The following KCNH7 variants were observed in gnomAD, a reference collection of about 807,000 sequenced individuals.
The protein encoded by KCNH7 is potassium voltage-gated channel subfamily H member 7, also known as voltage-gated inwardly rectifying potassium channel KCNH7.
Under a neutral mutation model 120.8 loss-of-function variants are expected in KCNH7, and 49 were observed. That is an observed-to-expected ratio of 0.41 (90% CI 0.32 to 0.51). KCNH7 has a LOEUF of 0.51. Among genes scored for constraint, KCNH7 ranks in the 20% least tolerant of loss-of-function variants. The probability of loss-of-function intolerance (pLI) is 0.38; values close to 1 mark genes in which losing one functional copy is unlikely to be tolerated. For synonymous variants in KCNH7, 547 were observed against 516.1 expected (o/e 1.06, Z -0.81); for missense variants, 1,097 against 1,446.6 (o/e 0.76, Z 3.92).
chr2:162,750,076 A>C lies in KCNH7; in HGVS notation c.307+86461T>G, dbSNP rs147111443. ...TAAAAGGAATGACAACTCTGGATTC[A>C]ACACATTAACATGGAGGAGATAAGG... On this transcript the variant is annotated intron_variant, in intron 2 of 15. Transcript: ENST00000332142. 6.1e-3 allele frequency among the ~76,000 whole-genome samples: 925 copies of C among 152,344 alleles called. 9 individuals carry two copies. Among genetic ancestry groups the C allele is most frequent in the African/African-American group, 0.021 (866 of 41,574 alleles).
intron 2 of KCNH7, among the ~76,000 whole-genome samples, chr2:162,811,645 G>C (rs1684736544): frequency 6.6e-6 from 1 of 152,124 alleles, no homozygotes; most frequent in Non-Finnish European, 1.5e-5. Context: ...TTATAAACTA[G>C]ATAGAAAAGA....
intron 2 of KCNH7, among the ~76,000 whole-genome samples, chr2:162,688,000 T>C (rs1490411625): frequency 6.6e-6 from 1 of 152,290 alleles, no homozygotes; most frequent in Middle Eastern, 3.4e-3. Context: ...TAATTTATAA[T>C]ATGTAGGACC....
intron 2 of KCNH7, among the ~76,000 whole-genome samples, chr2:162,613,515 T>A (rs1295455666): frequency 2.0e-5 from 3 of 152,056 alleles, no homozygotes; most frequent in Non-Finnish European, 4.4e-5. Context: ...AGCCTGTTAT[T>A]TAAGCTTTTC....
At chr2:162,653,639 G>GA (rs565233775) in intron 2 of KCNH7, among the ~76,000 whole-genome samples, 43 of 151,908 alleles carry the variant, frequency 2.8e-4, no homozygotes, top group Middle Eastern at 3.4e-3. Flanking sequence ...CACAGAAGTG[G>GA]AAAAAAAATC....
chr2:162,436,233 A>G (rs1369132784), intron 7 of KCNH7, among the ~76,000 whole-genome samples: 1 of 152,090 alleles, frequency 6.6e-6, no homozygotes, highest in Non-Finnish European at 1.5e-5. Context: ...TTGAGTTGCA[A>G]ACCATCTGTA....
At chr2:162,689,868 T>C (rs546781595) in intron 2 of KCNH7, among the ~76,000 whole-genome samples, 1 of 152,268 alleles carries the variant, frequency 6.6e-6, no homozygotes, top group East Asian at 1.9e-4. Flanking sequence ...GCAATCCCAT[T>C]ACTGGGTATA....
intron 6 of KCNH7, among the ~76,000 whole-genome samples, chr2:162,489,823 G>C (rs1690229859): frequency 6.6e-6 from 1 of 152,032 alleles, no homozygotes; most frequent in African/African-American, 2.4e-5. Flanking sequence ...CAAGCTTGCT[G>C]GTATTCTATA....
intron 2 of KCNH7, among the ~76,000 whole-genome samples, chr2:162,540,587 G>A (rs1207127410): frequency 1.3e-5 from 2 of 152,064 alleles, no homozygotes; most frequent in African/African-American, 4.8e-5. Context: ...ATGTCTTTGA[G>A]GAATAGCATA....
chr2:162,718,062 T>A (rs192972846), intron 2 of KCNH7, among the ~76,000 whole-genome samples: 1 of 152,052 alleles, frequency 6.6e-6, no homozygotes, highest in Admixed American at 6.6e-5. Context: ...TTTTTTTCTT[T>A]AATCACACAT....
At chr2:162,731,117 G>C (rs1687711327) in intron 2 of KCNH7, among the ~76,000 whole-genome samples, 1 of 151,038 alleles carries the variant, frequency 6.6e-6, no homozygotes, top group Non-Finnish European at 1.5e-5. Flanking sequence ...ATCAGAAAAA[G>C]AAAACAAAAT....
intron 2 of KCNH7, among the ~76,000 whole-genome samples, chr2:162,724,430 T>A (rs1486893126): frequency 6.6e-6 from 1 of 152,020 alleles, no homozygotes; most frequent in Non-Finnish European, 1.5e-5. Context: ...CCCAGCACTT[T>A]GGGAGGCCGA....
chr2:162,451,546 A>G (rs1475397424), intron 6 of KCNH7, among the ~76,000 whole-genome samples: 3 of 152,022 alleles, frequency 2.0e-5, no homozygotes, highest in African/African-American at 7.2e-5. Context: ...ACAGAATGTC[A>G]ACTGGGGTAA....
At chr2:162,471,444 G>A (rs1332275723) in intron 6 of KCNH7, among the ~76,000 whole-genome samples, 1 of 152,104 alleles carries the variant, frequency 6.6e-6, no homozygotes, top group Non-Finnish European at 1.5e-5. Flanking sequence ...ACGTGTTTGA[G>A]AGCAGTCAAT....
intron 6 of KCNH7, among the ~76,000 whole-genome samples, chr2:162,462,127 A>C (rs1279975280): frequency 6.6e-6 from 1 of 152,266 alleles, no homozygotes; most frequent in African/African-American, 2.4e-5. Context: ...GCAACGAATT[A>C]GTATGATCTT....
intron 2 of KCNH7, among the ~76,000 whole-genome samples, chr2:162,806,358 T>G (rs1684539694): frequency 6.6e-6 from 1 of 152,212 alleles, no homozygotes; most frequent in Non-Finnish European, 1.5e-5. Context: ...ATGAAGATAA[T>G]AAAATACTAT....
chr2:162,818,469 G>T (rs1684991511), intron 2 of KCNH7, among the ~76,000 whole-genome samples: 1 of 152,058 alleles, frequency 6.6e-6, no homozygotes, highest in African/African-American at 2.4e-5. Flanking sequence ...ATATCAAACT[G>T]TTATCATTAC....
At chr2:162,449,848 A>T (rs1688706567) in intron 6 of KCNH7, among the ~76,000 whole-genome samples, 1 of 152,080 alleles carries the variant, frequency 6.6e-6, no homozygotes, top group African/African-American at 2.4e-5. Flanking sequence ...GGCAGCCCTG[A>T]AAAAACTAAT....
At chr2:162,521,246 T>C (rs1020648300) in intron 3 of KCNH7, among the ~76,000 whole-genome samples, 1 of 151,914 alleles carries the variant, frequency 6.6e-6, no homozygotes, top group African/African-American at 2.4e-5. Context: ...TGACTTGGCA[T>C]GGTAAATGAA....
In KCNH7 at chr2:162,371,862, C is replaced by T. The variant is rs1558911352; in HGVS notation, c.3558G>A (p.Arg1186=). ...CTGGAAGACCAGGATCAGAAACATG[C>T]CTATGAAGACCCACGATTCCTACAG... is the stretch of plus-strand genomic sequence containing the variant. The part of the protein sequence containing the change: ...LSTVGIVGLH[R]HVSDPGLPGK The change falls in exon 16 of 16, where the codon AGG becomes AGA. Residue 1186 remains arginine (R), a synonymous_variant. Coordinates refer to ENST00000332142, the MANE Select transcript of KCNH7 (RefSeq NM_033272.4). 6.2e-7 allele frequency: 1 copy of T among 1,611,908 alleles called. No homozygotes were observed. Among genetic ancestry groups the T allele is most frequent in the Non-Finnish European group, 8.5e-7 (1 of 1,178,236 alleles).
Sources: allele counts gnomAD v4.1 joint callset (sites outside exome capture counted in the v4.1 genomes callset), GRCh38; gene constraint gnomAD v4.1.1; transcripts MANE v1.5; gene names NCBI Gene and HGNC (gene_info 2026-07-23, HGNC 2026-07-21).